BICRA: variants seen among roughly 807,000 people sequenced by gnomAD.
BICRA encodes BRD4 interacting chromatin remodeling complex associated protein.
Under a neutral mutation model 96.9 loss-of-function variants are expected in BICRA, and 31 were observed. The ratio of observed to expected loss-of-function variants is 0.32; its 90% confidence interval spans 0.24 to 0.43. BICRA has a LOEUF of 0.43. BICRA is among the 20% of genes least tolerant of loss of function. The probability of loss-of-function intolerance (pLI) is 1.00; values close to 1 mark genes in which losing one functional copy is unlikely to be tolerated. For synonymous variants in BICRA, 1,350 were observed against 1,071.8 expected (o/e 1.26, Z -5.07); for missense variants, 2,283 against 2,190.3 (o/e 1.04, Z -0.84).
intron 8 of BICRA, 51 bp downstream of exon 8, chr19:47,694,777 C>T (rs555557350): frequency 9.1e-7 from 1 of 1,098,720 alleles, no homozygotes; most frequent in East Asian, 2.4e-5. Flanking sequence ...CCATCCCACC[C>T]TCTCAGTCTG....
intron 1 of BICRA, among the ~76,000 whole-genome samples, chr19:47,643,077 C>A (rs1972407039): frequency 6.6e-6 from 1 of 152,226 alleles, no homozygotes; most frequent in Non-Finnish European, 1.5e-5. Context: ...TCAAGTGATT[C>A]TCCTGCCTCA....
intron 1 of BICRA, among the ~76,000 whole-genome samples, chr19:47,617,617 G>T (rs1972005271): frequency 6.6e-6 from 1 of 151,940 alleles, no homozygotes. Context: ...GCTCACCTAG[G>T]CCCCCCAAAG....
intron 1 of BICRA, among the ~76,000 whole-genome samples, chr19:47,626,815 G>A (rs887717153): frequency 2.7e-5 from 4 of 147,420 alleles, no homozygotes; most frequent in Admixed American, 7.0e-5. Flanking sequence ...TCCACCTCCC[G>A]GGTTCAAGCA....
intron 1 of BICRA, among the ~76,000 whole-genome samples, chr19:47,611,105 A>G (rs565777320): frequency 2.7e-5 from 4 of 149,186 alleles, no homozygotes; most frequent in Non-Finnish European, 6.1e-5. Flanking sequence ...CCAGGGTCAC[A>G]CAGCCCTGGG....
In BICRA at chr19:47,702,499, CG is replaced by C; in HGVS notation, c.*85del. ...GTCCGCCCTCAGCCTCCTGGGGACT[CG>C]AGCCGGGGATCCCCTGACGGTTTTT... On this transcript the variant is annotated 3_prime_UTR_variant, in exon 15 of 15. Transcript: ENST00000594866. 3 of 1,369,824 alleles carry C rather than the reference CG, an allele frequency of 2.2e-6. No individual in the cohort carries two copies. The highest frequency in any genetic ancestry group is 2.8e-6 in the Non-Finnish European group (3 of 1,065,990). The allele number at this position is 1,369,824 out of a possible 1,614,324, so 84.9% of individuals were successfully genotyped here. A position where few individuals can be genotyped will look rare whatever the true frequency, so the allele number is the denominator to read the frequency against.
Position 47,682,200 on chromosome 19 carries a change from C to T in BICRA, c.2283+48C>T, listed in dbSNP as rs369116241. 3.7e-5 allele frequency: 29 copies of T among 773,834 alleles called. No homozygotes were observed. The African/African-American group carries it at 4.4e-4, about 12-fold the overall frequency. 47.9% of individuals were successfully genotyped at this position (773,834 alleles called of 1,614,324 possible). On this transcript the variant is annotated intron_variant, in intron 7 of 14. Transcript: ENST00000594866. ...TGTCCGCAGCACAGACCCAGCCTCG[C>T]CCCTCCTGCCCGCTCTCCCGCTCCT...
chr19:47,685,606 T>C (rs1198520184), intron 7 of BICRA, among the ~76,000 whole-genome samples: 1 of 152,164 alleles, frequency 6.6e-6, no homozygotes, highest in Non-Finnish European at 1.5e-5. Flanking sequence ...TATGCAGGAA[T>C]GCACGGAATA....
chr19:47,638,260 A>G (rs895841029), intron 1 of BICRA, among the ~76,000 whole-genome samples: 2 of 152,168 alleles, frequency 1.3e-5, no homozygotes, highest in Non-Finnish European at 2.9e-5. Flanking sequence ...GCCTGCCCTG[A>G]ACACTGGCCC....
chr19:47,685,786 T>TGTGTGTGTGTGTGTGCGCGCGCGCGC, intron 7 of BICRA, among the ~76,000 whole-genome samples: 5 of 117,968 alleles, frequency 4.2e-5, no homozygotes, highest in African/African-American at 1.1e-4. Flanking sequence ...TGTGTGTGTG[T>TGTGTGTGTGTGTGTGCGCGCGCGCGC]GCGCGCGCGC....
intron 1 of BICRA, among the ~76,000 whole-genome samples, chr19:47,617,499 A>T (rs1972003330): frequency 6.6e-6 from 1 of 151,780 alleles, no homozygotes; most frequent in South Asian, 2.1e-4. Flanking sequence ...GAGTAGCTGG[A>T]ATTACAGGTG....
chr19:47,647,300 T>C (rs990853438), intron 1 of BICRA, among the ~76,000 whole-genome samples: 3 of 152,204 alleles, frequency 2.0e-5, no homozygotes, highest in African/African-American at 7.2e-5. Flanking sequence ...TCCTGGTTTC[T>C]ACATGGGAGT....
At chr19:47,628,555 A>T (rs905467098) in intron 1 of BICRA, among the ~76,000 whole-genome samples, 2 of 152,214 alleles carry the variant, frequency 1.3e-5, no homozygotes, top group Non-Finnish European at 1.5e-5. Flanking sequence ...GTCATATAAC[A>T]CGACGAAAGT....
chr19:47,636,763 C>T (rs1047873128), intron 1 of BICRA, among the ~76,000 whole-genome samples: 7 of 152,202 alleles, frequency 4.6e-5, no homozygotes, highest in Admixed American at 1.3e-4. Flanking sequence ...CGATCTTGGC[C>T]TCCCAAAGTG....
chr19:47,695,442 T>TCCTCCGGGCCAGGGAAGC lies in BICRA; in HGVS notation c.3164_3181dup (p.Pro1055_Gly1060dup). The TCCTCCGGGCCAGGGAAGC allele has an allele frequency of 6.3e-7, 1 of 1,588,712 alleles. No homozygotes were observed. Among genetic ancestry groups the TCCTCCGGGCCAGGGAAGC allele is most frequent in the Non-Finnish European group, 8.6e-7 (1 of 1,166,106 alleles). On this transcript the variant is annotated inframe_insertion, in exon 10 of 15. Coordinates refer to ENST00000594866, the MANE Select transcript of BICRA (RefSeq NM_001394372.1). The stretch of plus-strand genomic sequence containing the variant: ...GACCCTGAATGTGGCCAAGGCCGCT[T>TCCTCCGGGCCAGGGAAGC]CCTCCGGGCCAGGGAAGCCCTCCGG...
At chr19:47,625,837 G>A (rs1423141634) in intron 1 of BICRA, among the ~76,000 whole-genome samples, 1 of 152,060 alleles carries the variant, frequency 6.6e-6, no homozygotes, top group African/African-American at 2.4e-5. Context: ...AGGAGGAGAG[G>A]GAGGCCGTGG....
At chr19:47,652,719 C>G (rs1972557824) in intron 1 of BICRA, among the ~76,000 whole-genome samples, 1 of 152,100 alleles carries the variant, frequency 6.6e-6, no homozygotes, top group Non-Finnish European at 1.5e-5. Context: ...TTTGAGATGG[C>G]TAATTCACCA....
chr19:47,692,142 A>T (rs1231571797), intron 7 of BICRA, among the ~76,000 whole-genome samples: 1 of 151,912 alleles, frequency 6.6e-6, no homozygotes, highest in Non-Finnish European at 1.5e-5. Context: ...TCAGCGACGC[A>T]CCTGCCATTG....
In BICRA at chr19:47,675,322, T is replaced by C. The variant is rs369183391; in HGVS notation, c.85-529T>C. ...TGGACATACATTCACTGGGCACATA[T>C]GTGGATGCCAGGGCCTGTTCTGGGC... On this transcript the variant is annotated intron_variant, in intron 4 of 14. Coordinates refer to ENST00000594866, the MANE Select transcript of BICRA (RefSeq NM_001394372.1). This position sits in a 1 kb window ranked among gnomAD's most constrained non-coding sequence, Gnocchi z 4.7. 1.1e-4 allele frequency among the ~76,000 whole-genome samples: 16 copies of C among 152,314 alleles called. No individual in the cohort carries two copies. Among genetic ancestry groups the C allele is most frequent in the Non-Finnish European group, 2.1e-4 (14 of 68,034 alleles).
Position 47,680,001 on chromosome 19 carries a change from G to C in BICRA, c.831G>C (p.Ser277=). ...AGPSEPVTLA[S]AGVSPQGAGL... Reference sequence around the variant, plus strand: ...CCTCGGAGCCCGTGACGCTGGCGTCGGCCGGTGTCTCGCCACAGGGGGCTG... The same window carrying C: ...CCTCGGAGCCCGTGACGCTGGCGTCCGCCGGTGTCTCGCCACAGGGGGCTG... Residue 277 remains serine (S), a synonymous_variant, in exon 6 of 15, where the codon TCG becomes TCC. Coordinates refer to ENST00000594866, the MANE Select transcript of BICRA (RefSeq NM_001394372.1). The C allele has an allele frequency of 6.7e-7, 1 of 1,489,100 alleles. No homozygotes were observed. The highest frequency in any genetic ancestry group is 8.9e-7 in the Non-Finnish European group (1 of 1,129,678). The allele number at this position is 1,489,100 out of a possible 1,614,324, so 92.2% of individuals were successfully genotyped here.
Sources: gnomAD v4.1 joint callset for allele counts (sites outside exome capture counted in the v4.1 genomes callset) on GRCh38, gnomAD v4.1.1 for gene constraint, Gnocchi (gnomAD v3.1) non-coding constraint, MANE v1.5 for transcripts, NCBI Gene and HGNC (gene_info 2026-07-23, HGNC 2026-07-21) for gene names.